ERGIC1: variants seen among roughly 807,000 people sequenced by gnomAD.
ERGIC1 encodes endoplasmic reticulum-golgi intermediate compartment 1.
ERGIC1 carries 19 observed loss-of-function variants against 38.3 expected under a neutral mutation model. The ratio of observed to expected loss-of-function variants is 0.50; its 90% CI spans 0.35 to 0.73. The LOEUF (loss-of-function observed/expected upper bound fraction) is 0.73. Among genes scored for constraint, ERGIC1 ranks in the 30% least tolerant of loss-of-function variants. The pLI is 0.01. For missense variants in ERGIC1, 294 were observed against 389.2 expected (o/e 0.76, Z 2.06); for synonymous variants, 124 against 157.6 (o/e 0.79, Z 1.60).
intron 1 of ERGIC1, chr5:172,867,312 C>T (rs566783857): frequency 9.5e-6 from 4 of 419,500 alleles, no homozygotes; most frequent in South Asian, 5.1e-5. Flanking sequence ...GTGGGCAGGT[C>T]CAGTTTGGAT....
intron 1 of ERGIC1, among the ~76,000 whole-genome samples, chr5:172,877,309 A>G (rs1303843418): frequency 2.0e-5 from 3 of 151,584 alleles, no homozygotes; most frequent in Admixed American, 6.6e-5. Context: ...ATATTTCCAC[A>G]TTTACTTTTG....
chr5:172,924,130 A>C, intron 6 of ERGIC1, 21 bp downstream of exon 6: 2 of 1,611,612 alleles, frequency 1.2e-6, no homozygotes, highest in Non-Finnish European at 1.7e-6. Context: ...GACACTCGAG[A>C]TGGCATGGCC....
chr5:172,847,962 T>G (rs1334698715), intron 1 of ERGIC1, among the ~76,000 whole-genome samples: 1 of 152,234 alleles, frequency 6.6e-6, no homozygotes, highest in Non-Finnish European at 1.5e-5. Context: ...GCAATGTGTT[T>G]GGTTCTCACG....
At chr5:172,863,832 C>A (rs1470180335) in intron 1 of ERGIC1, among the ~76,000 whole-genome samples, 5 of 152,178 alleles carry the variant, frequency 3.3e-5, no homozygotes, top group African/African-American at 4.8e-5. Flanking sequence ...CAGGCCAGGG[C>A]TTTTAATCGC....
chr5:172,888,658 C>T, intron 1 of ERGIC1, 41 bp from the exon 2 acceptor site: 1 of 1,568,902 alleles, frequency 6.4e-7, no homozygotes, highest in Non-Finnish European at 8.8e-7. Flanking sequence ...GAGACCCACC[C>T]TTTGTGCCCA....
intron 1 of ERGIC1, among the ~76,000 whole-genome samples, chr5:172,877,440 G>GTGTATA (rs1491234878): frequency 1.8e-4 from 12 of 67,390 alleles, no homozygotes; most frequent in African/African-American, 6.8e-4. Flanking sequence ...GTGTGTGTGT[G>GTGTATA]TATATATATA....
intron 1 of ERGIC1, among the ~76,000 whole-genome samples, chr5:172,885,158 C>T (rs1252304105): frequency 6.6e-6 from 1 of 152,104 alleles, no homozygotes; most frequent in Non-Finnish European, 1.5e-5. Context: ...GAGATAGGGT[C>T]TCACTGTGTG....
At chr5:172,947,183 C>A (rs1289203713) in intron 9 of ERGIC1, among the ~76,000 whole-genome samples, 1 of 122,346 alleles carries the variant, frequency 8.2e-6, no homozygotes, top group Non-Finnish European at 1.7e-5. Context: ...GACTCAATCT[C>A]AAAAAAAAAA....
chr5:172,943,834 C>T (rs1464445046), intron 9 of ERGIC1, among the ~76,000 whole-genome samples: 4 of 152,188 alleles, frequency 2.6e-5, no homozygotes. Flanking sequence ...GGCGTTCGTG[C>T]TGGTGGAAAA....
At position 172,834,588 on chromosome 5, in the gene ERGIC1, C is replaced by CA. The variant is rs1012799754; in HGVS notation, c.20+155_20+156insA. On this transcript the variant is annotated intron_variant, in intron 1 of 9. Transcript: ENST00000393784. The surrounding 1 kb of genome is among the most constrained non-coding windows in gnomAD (Gnocchi z 4.1). Reference sequence around the variant, plus strand: ...CTAGGGACCCCAGGCGAGCCCCCCCCCTGCCGCACACGAAGCCAGCCAGAG... The same window carrying CA: ...CTAGGGACCCCAGGCGAGCCCCCCCCACTGCCGCACACGAAGCCAGCCAGAG... 5.9e-5 allele frequency among the ~76,000 whole-genome samples: 8 copies of CA among 134,460 alleles called. No homozygotes were observed. The highest frequency in any genetic ancestry group is 1.5e-4 in the Admixed American group (2 of 13,198). The allele number at this position is 134,460 out of a possible 152,430, so 88.2% of individuals were successfully genotyped here.
chr5:172,947,913 GTTA>G (rs1334797954), intron 9 of ERGIC1, among the ~76,000 whole-genome samples: 4 of 107,760 alleles, frequency 3.7e-5, no homozygotes, highest in Non-Finnish European at 5.7e-5. Flanking sequence ...TGTGTGTGTG[GTTA>G]TTTTTTATTT....
At chr5:172,905,360 G>A in intron 3 of ERGIC1, 1 of 438,476 alleles carries the variant, frequency 2.3e-6, no homozygotes, top group South Asian at 1.6e-5. Context: ...GCCAGGCAGA[G>A]CATTTGGCTG....
At chr5:172,873,165 C>G (rs917354388) in intron 1 of ERGIC1, among the ~76,000 whole-genome samples, 2 of 152,252 alleles carry the variant, frequency 1.3e-5, no homozygotes, top group African/African-American at 2.4e-5. Flanking sequence ...CGCTCATGCT[C>G]TGCCCCTCTA....
rs1433818681 is a variant in ERGIC1, at chr5:172,920,648, G to A, written c.376-3357G>A. The A allele has an allele frequency of 1.4e-5, 8 of 569,528 alleles. No homozygotes were observed. In the Admixed American group the frequency reaches 2.4e-4, roughly 17 times the overall value. 35.3% of individuals were successfully genotyped at this position (569,528 alleles called of 1,614,324 possible). A position where few individuals can be genotyped will look rare whatever the true frequency, so the allele number is the denominator to read the frequency against. On this transcript the variant is annotated intron_variant, in intron 5 of 9. Coordinates refer to ENST00000393784, the MANE Select transcript of ERGIC1 (RefSeq NM_001031711.3). ...CCTGTGATGGATTTGGTGTGGAGGG[G>A]GAGTGGGTTCCTGAGTCACAGCCTC... is the stretch of plus-strand genomic sequence containing the variant.
At chr5:172,923,635 A>G (rs485710) in intron 5 of ERGIC1, among the ~76,000 whole-genome samples, 88,516 of 152,016 alleles carry the variant, frequency 0.58, 26,463 homozygotes, top group African/African-American at 0.65. Context: ...TTAGTCTGCA[A>G]GCTCAAAGGT....
chr5:172,948,492 A>G (rs912890918), intron 9 of ERGIC1, among the ~76,000 whole-genome samples: 4 of 152,176 alleles, frequency 2.6e-5, no homozygotes, highest in African/African-American at 9.7e-5. Context: ...GGGCCACACA[A>G]CTGTTTATTT....
chr5:172,850,901 T>A (rs1200915877), intron 1 of ERGIC1, among the ~76,000 whole-genome samples: 1 of 152,092 alleles, frequency 6.6e-6, no homozygotes, highest in African/African-American at 2.4e-5. Flanking sequence ...ATATTTCACA[T>A]AAAAATTTGG....
At chr5:172,907,243 CG>C (rs1561728953) in intron 3 of ERGIC1, among the ~76,000 whole-genome samples, 1 of 152,202 alleles carries the variant, frequency 6.6e-6, no homozygotes, top group East Asian at 1.9e-4. Context: ...AGCCTGACCC[CG>C]TGGCTGTGCT....
intron 1 of ERGIC1, chr5:172,867,416 G>C (rs142056908): frequency 2.5e-6 from 1 of 394,738 alleles, no homozygotes; most frequent in Non-Finnish European, 5.2e-6. Flanking sequence ...GCTGCTGCCC[G>C]TAACTTTTCC....
Sources: allele counts gnomAD v4.1 joint callset (sites outside exome capture counted in the v4.1 genomes callset), GRCh38; gene constraint gnomAD v4.1.1; non-coding constraint Gnocchi (gnomAD v3.1); transcripts MANE v1.5; gene names NCBI Gene and HGNC (gene_info 2026-07-23, HGNC 2026-07-21).